The following HDAC9 variants were observed in gnomAD, a reference collection of about 807,000 sequenced individuals.
The protein encoded by HDAC9 is MEF-2 interacting transcription repressor (MITR) protein.
HDAC9 carries 41 observed loss-of-function variants against 139.4 expected under a neutral mutation model. The observed-to-expected ratio is 0.29, with a 90% CI of 0.23 to 0.38. The LOEUF is 0.38. Ranked by LOEUF, HDAC9 falls within the 10% of genes least tolerant of loss-of-function variation. The pLI is 1.00. For synonymous variants in HDAC9, 517 were observed against 476.2 expected (o/e 1.09, Z -1.12); for missense variants, 1,147 against 1,297.0 (o/e 0.88, Z 1.78).
At chr7:18,410,518 G>A (rs1350437729) in intron 1 of HDAC9, among the ~76,000 whole-genome samples, 1 of 152,064 alleles carries the variant, frequency 6.6e-6, no homozygotes, top group African/African-American at 2.4e-5. Flanking sequence ...ATGATAATAA[G>A]TATATATACA....
chr7:18,845,914 C>A (rs959346813), intron 21 of HDAC9, among the ~76,000 whole-genome samples: 1 of 152,056 alleles, frequency 6.6e-6, no homozygotes, highest in Non-Finnish European at 1.5e-5. Context: ...CTTGGAGTCA[C>A]GTGCACTGTG....
At chr7:18,704,953 T>G (rs995489283) in intron 12 of HDAC9, among the ~76,000 whole-genome samples, 9 of 152,238 alleles carry the variant, frequency 5.9e-5, no homozygotes, top group African/African-American at 1.2e-4. Flanking sequence ...TATACATCAG[T>G]ACTGTCTAAT....
At chr7:18,608,357 G>A (rs138160425) in intron 6 of HDAC9, among the ~76,000 whole-genome samples, 2 of 152,062 alleles carry the variant, frequency 1.3e-5, no homozygotes, top group East Asian at 1.9e-4. Context: ...ACAGTTTGAC[G>A]TGACATGTAA....
At chr7:18,705,879 TAAAAG>T (rs1333437060) in intron 12 of HDAC9, among the ~76,000 whole-genome samples, 1 of 117,982 alleles carries the variant, frequency 8.5e-6, no homozygotes. Flanking sequence ...TAAAATAAAA[TAAAAG>T]AAATGGTTCA....
At chr7:18,249,232 G>A (rs1189359948) in intron 2 of HDAC9, among the ~76,000 whole-genome samples, 2 of 151,954 alleles carry the variant, frequency 1.3e-5, no homozygotes, top group African/African-American at 4.8e-5. Context: ...TCTGGGTGTG[G>A]TGGCTCACGC....
At chr7:18,830,444 T>C (rs1795778181) in intron 19 of HDAC9, among the ~76,000 whole-genome samples, 1 of 152,206 alleles carries the variant, frequency 6.6e-6, no homozygotes, top group Non-Finnish European at 1.5e-5. Context: ...CAAAATATGC[T>C]AAAGGTTTTT....
chr7:18,793,503 C>G, intron 17 of HDAC9, 51 bp downstream of exon 17: 1 of 1,162,452 alleles, frequency 8.6e-7, no homozygotes, highest in Non-Finnish European at 1.3e-6. Flanking sequence ...GAAACTGAAA[C>G]AGAGATGTTG....
intron 2 of HDAC9, among the ~76,000 whole-genome samples, chr7:18,274,774 C>G (rs1018460577): frequency 1.3e-5 from 2 of 152,162 alleles, no homozygotes; most frequent in African/African-American, 4.8e-5. Flanking sequence ...AATTATTATA[C>G]TTTATCATTT....
At chr7:18,449,250 A>G (rs1792574419) in intron 1 of HDAC9, among the ~76,000 whole-genome samples, 1 of 152,176 alleles carries the variant, frequency 6.6e-6, no homozygotes. Context: ...GAGTGGATAA[A>G]TTATGAAACA....
chr7:18,387,397 A>G (rs985900028), intron 1 of HDAC9, among the ~76,000 whole-genome samples: 20 of 152,198 alleles, frequency 1.3e-4, no homozygotes, highest in Admixed American at 3.3e-4. Context: ...CTCTTTTGCT[A>G]TTATAGAATC....
At chr7:18,157,161 T>C (rs1051412087) in intron 1 of HDAC9, among the ~76,000 whole-genome samples, 5 of 152,154 alleles carry the variant, frequency 3.3e-5, no homozygotes, top group African/African-American at 1.2e-4. Flanking sequence ...CACAAAAGCA[T>C]GGACACGCGA....
chr7:18,099,968 C>A (rs1297400386), intron 1 of HDAC9, among the ~76,000 whole-genome samples: 1 of 152,076 alleles, frequency 6.6e-6, no homozygotes, highest in South Asian at 2.1e-4. Context: ...CTCTGATATC[C>A]TCTTCCTTCT....
chr7:18,672,574 A>G (rs559645121), intron 12 of HDAC9, among the ~76,000 whole-genome samples: 2 of 151,968 alleles, frequency 1.3e-5, no homozygotes, highest in South Asian at 2.1e-4. Flanking sequence ...CAGTTTATCT[A>G]TTTTTCCTTT....
At chr7:18,138,506 C>G (rs1288197399) in intron 1 of HDAC9, among the ~76,000 whole-genome samples, 2 of 148,322 alleles carry the variant, frequency 1.3e-5, no homozygotes, top group African/African-American at 5.0e-5. Flanking sequence ...TGGTGGGAAG[C>G]TGTAGTGAGA....
At chr7:18,700,371 G>A (rs1783378285) in intron 12 of HDAC9, among the ~76,000 whole-genome samples, 1 of 152,254 alleles carries the variant, frequency 6.6e-6, no homozygotes, top group Non-Finnish European at 1.5e-5. Flanking sequence ...GGCCTTTTGC[G>A]TGAATAACGG....
intron 1 of HDAC9, among the ~76,000 whole-genome samples, chr7:18,137,722 A>T (rs1441838972): frequency 6.6e-6 from 1 of 151,924 alleles, no homozygotes; most frequent in Non-Finnish European, 1.5e-5. Flanking sequence ...TTTTATTGAG[A>T]ATTTTTGCAT....
Position 18,495,933 on chromosome 7 carries a change from G to A in HDAC9, c.-132G>A, listed in dbSNP as rs573099632. The A allele has an allele frequency of 5.3e-5, 65 of 1,235,564 alleles. No homozygotes were observed. The South Asian group carries it at 1.6e-3, about 31-fold the overall frequency. The allele number at this position is 1,235,564 out of a possible 1,614,324, so 76.5% of individuals were successfully genotyped here. On this transcript the variant is annotated 5_prime_UTR_variant, in exon 1 of 26. Transcript: ENST00000686413. ...TGACAAAGAAATAACCCCGAAGCAC[G>A]TTCCTATTTCCCACCTGCTTGTAGT...
chr7:18,909,530 C>A (rs1483458763), intron 22 of HDAC9, among the ~76,000 whole-genome samples: 1 of 151,938 alleles, frequency 6.6e-6, no homozygotes, highest in Non-Finnish European at 1.5e-5. Context: ...GTGGGTGTTC[C>A]ATTTAAGTAA....
At chr7:18,965,704 A>G (rs1012830568) in intron 24 of HDAC9, among the ~76,000 whole-genome samples, 1 of 152,246 alleles carries the variant, frequency 6.6e-6, no homozygotes. Context: ...GAGGGAGCAG[A>G]GAAATTTATG....
Sources: allele counts gnomAD v4.1 joint callset (sites outside exome capture counted in the v4.1 genomes callset), GRCh38; gene constraint gnomAD v4.1.1; transcripts MANE v1.5; gene names NCBI Gene and HGNC (gene_info 2026-07-23, HGNC 2026-07-21).